The following MCFD2 variants were observed in gnomAD, a reference collection of about 807,000 sequenced individuals.
MCFD2 encodes multiple coagulation factor deficiency protein 2.
Under a neutral mutation model 12.8 loss-of-function variants are expected in MCFD2, and 11 were observed. The observed-to-expected ratio is 0.86, with a 90% CI of 0.54 to 1.42. MCFD2 has a LOEUF of 1.42. Ranked by LOEUF, MCFD2 falls within the 40% of genes most tolerant of loss-of-function variation. The pLI is 0.00. For missense variants in MCFD2, 191 were observed against 178.6 expected, an observed-to-expected ratio of 1.07 and a Z score of -0.40; for synonymous variants, 70 against 68.1, an observed-to-expected ratio of 1.03 and a Z score of -0.14.
intron 1 of MCFD2, among the ~76,000 whole-genome samples, chr2:46,927,827 A>G (rs1045293512): frequency 6.6e-6 from 1 of 151,852 alleles, no homozygotes; most frequent in African/African-American, 2.4e-5. Context: ...ACATTTTTAG[A>G]AAAAAACTGA....
At chr2:46,918,407 G>A (rs1465260824), upstream of MCFD2, among the ~76,000 whole-genome samples, 2 of 152,176 alleles carry the variant, frequency 1.3e-5, no homozygotes, top group Admixed American at 6.5e-5. Context: ...TGGACTACTT[G>A]AGAGAGAGCT....
upstream of MCFD2, chr2:46,916,203 C>CA (rs1329255054): frequency 4.1e-6 from 4 of 973,456 alleles, no homozygotes; most frequent in East Asian, 4.6e-4. Flanking sequence ...CGTCCTGCTG[C>CA]AAGTTGGGAA....
At chr2:46,917,081 T>A, upstream of MCFD2, 1 of 675,712 alleles carries the variant, frequency 1.5e-6, no homozygotes, top group South Asian at 1.6e-5. Flanking sequence ...CCACTGCCAT[T>A]GACGGTCTCA....
intron 1 of MCFD2, among the ~76,000 whole-genome samples, chr2:46,930,448 AACTT>A (rs1281255334): frequency 2.2e-4 from 34 of 151,146 alleles, no homozygotes; most frequent in African/African-American, 7.5e-4. Flanking sequence ...AAAAAAAAAA[AACTT>A]ACCAAAAATT....
Position 46,915,775 on chromosome 2 carries a change from C to G in MCFD2, c.-59G>C. 1 of 978,870 alleles carries G rather than the reference C, an allele frequency of 1.0e-6. No individual in the cohort carries two copies. The highest frequency in any genetic ancestry group is 1.2e-6 in the Non-Finnish European group (1 of 824,664). The allele number at this position is 978,870 out of a possible 1,614,324, so 60.6% of individuals were successfully genotyped here. A position where few individuals can be genotyped will look rare whatever the true frequency, so the allele number is the denominator to read the frequency against. On this transcript the variant is annotated 5_prime_UTR_variant, in exon 1 of 4. Coordinates refer to ENST00000319466, the MANE Select transcript of MCFD2 (RefSeq NM_139279.6). ...GCCCTCCAACGTGAGCCTCACCAGCCCCCGTCCCCAAAACGCTCTTCCTCG... is the reference window on the plus strand; with the variant it reads ...GCCCTCCAACGTGAGCCTCACCAGCGCCCGTCCCCAAAACGCTCTTCCTCG...
intron 1 of MCFD2, among the ~76,000 whole-genome samples, chr2:46,924,859 T>A (rs1669304113): frequency 6.6e-6 from 1 of 152,236 alleles, no homozygotes. Flanking sequence ...AGCTCTGGGC[T>A]CAAGCAATCT....
upstream of MCFD2, chr2:46,916,032 C>T (rs1335680967): frequency 1.0e-6 from 1 of 985,326 alleles, no homozygotes; most frequent in Non-Finnish European, 1.2e-6. Flanking sequence ...CCGCTGGACG[C>T]CCTAGGGGCC....
In MCFD2 at chr2:46,904,867, G is replaced by C. The variant is rs991841759; in HGVS notation, c.*596C>G. On this transcript the variant is annotated 3_prime_UTR_variant, in exon 4 of 4. Coordinates refer to ENST00000319466, the MANE Select transcript of MCFD2 (RefSeq NM_139279.6). ...ATGAGATTTGGAGGGGCCAGGGGTAGAATGATATGGTTTGGCTATGTCCCC... is the reference window on the plus strand; with the variant it reads ...ATGAGATTTGGAGGGGCCAGGGGTACAATGATATGGTTTGGCTATGTCCCC... 5.7e-6 allele frequency: 1 copy of C among 176,874 alleles called. No homozygotes were observed. The highest frequency in any genetic ancestry group is 1.2e-5 in the Non-Finnish European group (1 of 82,502). 11.0% of individuals were successfully genotyped at this position (176,874 alleles called of 1,614,324 possible). A position where few individuals can be genotyped will look rare whatever the true frequency, so the allele number is the denominator to read the frequency against.
chr2:46,924,026 G>C (rs1203340721), intron 1 of MCFD2, among the ~76,000 whole-genome samples: 1 of 151,854 alleles, frequency 6.6e-6, no homozygotes, highest in Non-Finnish European at 1.5e-5. Context: ...GTGAGCCACT[G>C]TGCCCGGCCT....
chr2:46,917,793 A>C (rs1668891964), upstream of MCFD2, among the ~76,000 whole-genome samples: 1 of 152,108 alleles, frequency 6.6e-6, no homozygotes, highest in African/African-American at 2.4e-5. Context: ...TTGCCCTCTC[A>C]ACACTGTTTT....
intron 1 of MCFD2, among the ~76,000 whole-genome samples, chr2:46,911,964 G>C (rs1668505432): frequency 1.3e-5 from 2 of 152,148 alleles, no homozygotes; most frequent in African/African-American, 2.4e-5. Context: ...TACAAAAGGA[G>C]TTTCCGGTTA....
At chr2:46,928,495 T>C (rs115134612) in intron 1 of MCFD2, among the ~76,000 whole-genome samples, 1,577 of 144,140 alleles carry the variant, frequency 0.011, 31 homozygotes, top group African/African-American at 0.039. Flanking sequence ...ACTTGGGCCA[T>C]GTGTGGTGGC....
rs1161003607 is a variant in MCFD2 at position 46,934,787 on chromosome 2, CTTTTTTTTTTT to C, written c.-8+6774_-8+6784del. 1.8e-4 allele frequency among the ~76,000 whole-genome samples: 12 copies of C among 66,906 alleles called. 1 individual carries two copies. The highest frequency in any genetic ancestry group is 0.015 in the Middle Eastern group (1 of 68). 43.9% of individuals were successfully genotyped at this position (66,906 alleles called of 152,430 possible). ...GGAATAAGGTATGAAGACTACTGCT[CTTTTTTTTTTT>C]TTTTTTTTTTTTTTTTTTTTTGAGA... is the stretch of plus-strand genomic sequence containing the variant. On this transcript the variant is annotated intron_variant, in intron 1 of 2. Transcript: ENST00000409147.
At chr2:46,918,137 C>G (rs980296582), upstream of MCFD2, among the ~76,000 whole-genome samples, 2 of 152,212 alleles carry the variant, frequency 1.3e-5, no homozygotes, top group African/African-American at 2.4e-5. Flanking sequence ...AGACTGGCAT[C>G]TCAAACTTAA....
chr2:46,941,598 C>CT lies in MCFD2; in HGVS notation c.-35dup. 4 of 1,557,186 alleles carry CT rather than the reference C, an allele frequency of 2.6e-6. No individual in the cohort carries two copies. The highest frequency in any genetic ancestry group is 3.5e-6 in the Non-Finnish European group (4 of 1,151,092). On this transcript the variant is annotated 5_prime_UTR_variant, in exon 1 of 3. Transcript: ENST00000409147. The surrounding 1 kb of genome is among the most constrained non-coding windows in gnomAD (Gnocchi z 4.2). ...TGAAGGTGGAGAGCGAGCTGGAGCG[C>CT]TGCCGCGCCGAGGGCCACTGGGACC...
chr2:46,939,309 C>T (rs1440801418), intron 1 of MCFD2, among the ~76,000 whole-genome samples: 3 of 152,086 alleles, frequency 2.0e-5, no homozygotes, highest in South Asian at 2.1e-4. Context: ...AATCCTAGCA[C>T]TTTGGGAGGC....
At chr2:46,927,693 G>C (rs1486798963) in intron 1 of MCFD2, among the ~76,000 whole-genome samples, 1 of 151,946 alleles carries the variant, frequency 6.6e-6, no homozygotes, top group Non-Finnish European at 1.5e-5. Context: ...GCAACAGACG[G>C]CTGACTTCTC....
chr2:46,909,595 G>T (rs1245314751), intron 1 of MCFD2, among the ~76,000 whole-genome samples: 3 of 152,206 alleles, frequency 2.0e-5, no homozygotes, highest in Non-Finnish European at 4.4e-5. Flanking sequence ...CCTCCGAGTG[G>T]AGGAAAATCA....
At chr2:46,919,895 T>C (rs1669008552), upstream of MCFD2, among the ~76,000 whole-genome samples, 1 of 152,262 alleles carries the variant, frequency 6.6e-6, no homozygotes. Flanking sequence ...ATGGGTTGCA[T>C]GTTCTAGGCT....
Sources: gnomAD v4.1 joint callset for allele counts (sites outside exome capture counted in the v4.1 genomes callset) on GRCh38, gnomAD v4.1.1 for gene constraint, Gnocchi (gnomAD v3.1) non-coding constraint, MANE v1.5 for transcripts, NCBI Gene and HGNC (gene_info 2026-07-23, HGNC 2026-07-21) for gene names.